The following PPIH variants were observed in gnomAD, a reference collection of about 807,000 sequenced individuals.
The protein encoded by PPIH is peptidylprolyl isomerase H, also known as peptidyl-prolyl cis-trans isomerase H.
PPIH carries 16 observed loss-of-function variants against 27.6 expected under a neutral mutation model. The observed-to-expected ratio is 0.58, with a 90% CI of 0.39 to 0.88. The LOEUF is 0.88. Ranked by LOEUF, PPIH falls within the 40% of genes least tolerant of loss-of-function variation. The probability of loss-of-function intolerance (pLI) is 0.00; values close to 1 mark genes in which losing one functional copy is unlikely to be tolerated. For synonymous variants in PPIH, 63 were observed against 76.1 expected, an observed-to-expected ratio of 0.83 and a Z score of 0.90; for missense variants, 155 against 224.1, an observed-to-expected ratio of 0.69 and a Z score of 1.97.
chr1:42,659,384 G>C lies in PPIH; in HGVS notation c.155+133G>C, dbSNP rs748992070. 2.5e-6 allele frequency: 4 copies of C among 1,614,054 alleles called. No individual in the cohort carries two copies. In the East Asian group the frequency reaches 8.9e-5, roughly 36 times the overall value. ...CAGTGATAGAAGGTAATGCCCCAAG[G>C]GTCTGTCCCTAGTTTATTTGCCTTC... On this transcript the variant is annotated intron_variant, in intron 3 of 9. Transcript: ENST00000304979.
downstream of PPIH, among the ~76,000 whole-genome samples, chr1:42,678,477 A>G (rs1048296602): frequency 1.3e-5 from 2 of 152,098 alleles, no homozygotes; most frequent in Admixed American, 6.5e-5. Context: ...TTGGCTCACT[A>G]CAACCTCCAC....
At chr1:42,673,289 G>A (rs1469510583) in intron 9 of PPIH, among the ~76,000 whole-genome samples, 1 of 152,100 alleles carries the variant, frequency 6.6e-6, no homozygotes, top group East Asian at 1.9e-4. Flanking sequence ...CCAGCCCTTG[G>A]AAAACTTTTT....
At chr1:42,659,389 G>C (rs1166251219) in intron 3 of PPIH, 133 bp from the exon 4 acceptor site, 1 of 1,614,044 alleles carries the variant, frequency 6.2e-7, no homozygotes, top group African/African-American at 1.3e-5. Context: ...CCAAGGGTCT[G>C]TCCCTAGTTT....
intron 5 of PPIH, among the ~76,000 whole-genome samples, chr1:42,663,320 T>G (rs977443572): frequency 6.6e-6 from 1 of 152,212 alleles, no homozygotes; most frequent in African/African-American, 2.4e-5. Context: ...TCATCCTCAC[T>G]TGATAGATGA....
chr1:42,676,461 C>CT (rs767520358), intron 9 of PPIH, 123 bp from the exon 10 acceptor site: 1 of 150,798 alleles, frequency 6.6e-6, no homozygotes, highest in Non-Finnish European at 1.5e-5. Context: ...GAATGGGACT[C>CT]TGTCTCAAAA....
At chr1:42,662,549 G>A (rs907471968) in intron 5 of PPIH, among the ~76,000 whole-genome samples, 8 of 150,898 alleles carry the variant, frequency 5.3e-5, no homozygotes, top group African/African-American at 1.2e-4. Context: ...GCAAGACCTT[G>A]TCTAAAGGGA....
chr1:42,664,146 G>A (rs1477293427), intron 5 of PPIH, among the ~76,000 whole-genome samples: 2 of 152,208 alleles, frequency 1.3e-5, no homozygotes, highest in Non-Finnish European at 1.5e-5. Context: ...ACTAAAGGAA[G>A]AAATAGAACT....
At chr1:42,677,828 T>G (rs149582646), downstream of PPIH, among the ~76,000 whole-genome samples, 148 of 152,322 alleles carry the variant, frequency 9.7e-4, no homozygotes, top group African/African-American at 3.5e-3. Context: ...CCATCTATTT[T>G]GAAGAGGCAA....
intron 5 of PPIH, among the ~76,000 whole-genome samples, chr1:42,663,135 G>C (rs968724937): frequency 6.6e-6 from 1 of 152,274 alleles, no homozygotes; most frequent in South Asian, 2.1e-4. Flanking sequence ...AGGTTCACTG[G>C]GAAATTGGAG....
chr1:42,677,060 C>G (rs1427602672), downstream of PPIH, among the ~76,000 whole-genome samples: 1 of 152,158 alleles, frequency 6.6e-6, no homozygotes, highest in Non-Finnish European at 1.5e-5. Flanking sequence ...TGGATTGAGC[C>G]CGTGAGGAAA....
At chr1:42,670,247 T>G (rs1388956467) in intron 9 of PPIH, among the ~76,000 whole-genome samples, 1 of 152,186 alleles carries the variant, frequency 6.6e-6, no homozygotes. Context: ...TGGGTCCCCC[T>G]TGGGCCCAGC....
At chr1:42,681,504 T>C (rs1001604221), downstream of PPIH, 2 of 151,928 alleles carry the variant, frequency 1.3e-5, no homozygotes, top group Admixed American at 6.6e-5. Flanking sequence ...CGAAAGAAGG[T>C]GGGTGGAGGA....
In PPIH at chr1:42,663,265, ACTAT is replaced by A. The variant is rs770223674; in HGVS notation, c.244-1594_244-1591del. On this transcript the variant is annotated intron_variant, in intron 5 of 9. Coordinates refer to ENST00000304979, the MANE Select transcript of PPIH (RefSeq NM_006347.4). ...TGTTTGTACAGTGCTTTTTACAGACACTATCTAATTGAATCTTCATGATAACTGT... is the reference window on the plus strand; with the variant it reads ...TGTTTGTACAGTGCTTTTTACAGACACTAATTGAATCTTCATGATAACTGT... Among the ~76,000 whole-genome samples, 58 of 152,356 alleles carry A rather than the reference ACTAT, an allele frequency of 3.8e-4. 1 individual carries two copies. Among genetic ancestry groups the A allele is most frequent in the Non-Finnish European group, 7.3e-4 (50 of 68,036 alleles).
At chr1:42,667,320 G>A (rs572701152) in intron 8 of PPIH, 31 bp from the exon 9 acceptor site, 17 of 1,551,380 alleles carry the variant, frequency 1.1e-5, no homozygotes, top group Middle Eastern at 1.7e-4. Context: ...GTGCCTGAGT[G>A]GATGAATCTC....
intron 9 of PPIH, among the ~76,000 whole-genome samples, chr1:42,674,993 C>T (rs900672402): frequency 1.5e-4 from 23 of 152,278 alleles, no homozygotes; most frequent in African/African-American, 4.3e-4. Flanking sequence ...TACTATACAG[C>T]CTTAACAAAA....
Position 42,658,853 on chromosome 1 carries a change from C to T in PPIH, c.76C>T (p.Arg26Cys), listed in dbSNP as rs1362319687. Residue 26 changes from arginine to cysteine, a missense_variant, in exon 2 of 10, where the codon CGC (arginine) becomes TGC (cysteine). Around this residue, in one of 2 missense-constraint regions of PPIH, gnomAD observed 59 missense variants for 48.8 expected, o/e 1.21. Transcript: ENST00000304979. ...CTCCCGCTGATTGCAGGAAGTTGGC[C>T]GCATGAAGATCGAGCTCTTTGCAGA... The part of the protein sequence containing the change: ...DVSIGGQEVG[R>C]MKIELFADVV... The T allele has an allele frequency of 3.7e-6, 6 of 1,614,080 alleles. No individual in the cohort carries two copies. Among genetic ancestry groups the T allele is most frequent in the Admixed American group, 1.7e-5 (1 of 60,010 alleles).
At position 42,662,286 on chromosome 1, in the gene PPIH, G is replaced by A. The variant is rs1649079416; in HGVS notation, c.243+1382G>A. Among the ~76,000 whole-genome samples, 5 of 152,314 alleles carry A rather than the reference G, an allele frequency of 3.3e-5. No homozygotes were observed. The South Asian group carries it at 1.0e-3, about 32-fold the overall frequency. On this transcript the variant is annotated intron_variant, in intron 5 of 9. Coordinates refer to ENST00000304979, the MANE Select transcript of PPIH (RefSeq NM_006347.4). ...GCAATTGCTGGTAGGGCTCACATCT[G>A]TAATCCCAGTACCTTGGGATGCTGG...
At chr1:42,660,823 C>T (rs764828970) in intron 4 of PPIH, 39 bp from the exon 5 acceptor site, 2 of 1,500,758 alleles carry the variant, frequency 1.3e-6, no homozygotes, top group Admixed American at 2.0e-5. Flanking sequence ...TTTTTCTAAA[C>T]CATAAAATCT....
intron 1 of PPIH, 107 bp from the exon 2 acceptor site, chr1:42,658,737 G>A: frequency 7.5e-7 from 1 of 1,333,832 alleles, no homozygotes; most frequent in Non-Finnish European, 1.1e-6. Flanking sequence ...AGGCGGAGGT[G>A]GGAGATACCG....
Sources: gnomAD v4.1 joint callset for allele counts (sites outside exome capture counted in the v4.1 genomes callset) on GRCh38, gnomAD v4.1.1 for gene constraint, gnomAD v4.1.1 regional missense constraint, MANE v1.5 for transcripts, NCBI Gene and HGNC (gene_info 2026-07-23, HGNC 2026-07-21) for gene names.